Variants in RAPGEF2 observed in about 807,000 individuals in gnomAD.
The protein encoded by RAPGEF2 is Rap guanine nucleotide exchange factor 2, also known as PDZ domain containing guanine nucleotide exchange factor (GEF) 1.
Under a neutral mutation model 186.7 loss-of-function variants are expected in RAPGEF2, and 54 were observed. That is an observed-to-expected ratio of 0.29 (90% CI 0.23 to 0.36). The LOEUF (loss-of-function observed/expected upper bound fraction) is 0.36, where lower values mean the gene tolerates loss of function less well. Ranked by LOEUF, RAPGEF2 falls within the 10% of genes least tolerant of loss-of-function variation. The pLI is 1.00. For missense variants in RAPGEF2, 1,532 were observed against 2,045.0 expected, an observed-to-expected ratio of 0.75 and a Z score of 4.84; for synonymous variants, 712 against 705.9, an observed-to-expected ratio of 1.01 and a Z score of -0.14.
intron 1 of RAPGEF2, among the ~76,000 whole-genome samples, chr4:159,142,693 T>C (rs1406800070): frequency 6.6e-6 from 1 of 152,156 alleles, no homozygotes; most frequent in East Asian, 1.9e-4. Flanking sequence ...TTCTTTTCAG[T>C]TTAAATTATA....
At position 159,353,567 on chromosome 4, in the gene RAPGEF2, C is replaced by T. The variant is rs764552428; in HGVS notation, c.4172C>T (p.Ser1391Phe). 2 of 1,571,652 alleles carry T rather than the reference C, an allele frequency of 1.3e-6. No homozygotes were observed. The highest frequency in any genetic ancestry group is 2.4e-5 in the South Asian group (2 of 82,378). The change falls in exon 28 of 30, where the codon TCC becomes TTC. Residue 1391 changes from serine (S) to phenylalanine (F), a missense_variant. This residue lies in a region of RAPGEF2 where 594 missense variants were observed against 608.5 expected (regional missense o/e 0.98). Coordinates refer to ENST00000691494, the MANE Select transcript of RAPGEF2 (RefSeq NM_001394067.2). The surrounding 1 kb of genome is among the most constrained non-coding windows in gnomAD (Gnocchi z 4.3). Reference sequence around the variant, plus strand: ...TCTTCTCCAAGCACAGAGGAACTTTCCCAGGATCAGGGGGATCGCGCGTCA... The same window carrying T: ...TCTTCTCCAAGCACAGAGGAACTTTTCCAGGATCAGGGGGATCGCGCGTCA... ...VISSPSTEEL[S>F]QDQGDRASLD... is the part of the protein sequence containing the mutation.
chr4:159,321,625 A>G lies in RAPGEF2; in HGVS notation c.854-722A>G, dbSNP rs193135372. On this transcript the variant is annotated intron_variant, in intron 9 of 29. Transcript: ENST00000691494. ...GGAGTAAGGAAAGAACTTAGTGTGTAATTAGTAAAGCTACTGAATGATAAG... is the reference window on the plus strand; with the variant it reads ...GGAGTAAGGAAAGAACTTAGTGTGTGATTAGTAAAGCTACTGAATGATAAG... Among the ~76,000 whole-genome samples, 36 of 152,332 alleles carry G rather than the reference A, an allele frequency of 2.4e-4. No homozygotes were observed. In the East Asian group the frequency reaches 6.4e-3, roughly 27 times the overall value.
intron 1 of RAPGEF2, chr4:159,128,919 GGGGTGTGTGTGT>G (rs766611757): frequency 3.5e-5 from 2 of 57,250 alleles, no homozygotes; most frequent in South Asian, 5.0e-4. Context: ...ATACATATGG[GGGGTGTGTGTGT>G]GTGTGTGTGT....
chr4:159,248,649 ACT>A (rs764455254), intron 7 of RAPGEF2, among the ~76,000 whole-genome samples: 60 of 152,182 alleles, frequency 3.9e-4, no homozygotes, highest in Non-Finnish European at 6.5e-4. Flanking sequence ...AGGGGGACTA[ACT>A]CTCTTTCTTG....
chr4:159,307,478 T>C (rs1763442934), intron 8 of RAPGEF2, among the ~76,000 whole-genome samples: 1 of 152,200 alleles, frequency 6.6e-6, no homozygotes, highest in South Asian at 2.1e-4. Context: ...CAATGAACAG[T>C]ATACATAAAA....
At position 159,201,544 on chromosome 4, in the gene RAPGEF2, G is replaced by T. The variant is rs76259501; in HGVS notation, c.197+8288G>T. 2.4e-4 allele frequency among the ~76,000 whole-genome samples: 36 copies of T among 152,320 alleles called. 1 individual carries two copies. In the East Asian group the frequency reaches 6.7e-3, roughly 29 times the overall value. On this transcript the variant is annotated intron_variant, in intron 3 of 29. Coordinates refer to ENST00000691494, the MANE Select transcript of RAPGEF2 (RefSeq NM_001394067.2). ...TTGTAAATAAGTAATTTTCACTGTG[G>T]TTTTTTGGCATAATCGTATATTTGA...
chr4:159,176,399 C>A (rs1410425538), intron 1 of RAPGEF2, among the ~76,000 whole-genome samples: 1 of 152,128 alleles, frequency 6.6e-6, no homozygotes, highest in African/African-American at 2.4e-5. Context: ...CCTGCATGAA[C>A]TTTAATGTAG....
At chr4:159,104,534 C>CAGACAG (rs1737624298) in intron 1 of RAPGEF2, among the ~76,000 whole-genome samples, 1 of 62,428 alleles carries the variant, frequency 1.6e-5, no homozygotes, top group African/African-American at 5.6e-5. Flanking sequence ...GAGGGAGAGA[C>CAGACAG]AGAGAGAGAG....
chr4:159,350,712 A>G (rs1297504953), intron 26 of RAPGEF2, among the ~76,000 whole-genome samples: 1 of 152,046 alleles, frequency 6.6e-6, no homozygotes, highest in Non-Finnish European at 1.5e-5. Flanking sequence ...TTTGGTTGCT[A>G]CCTTGTTTTA....
At chr4:159,250,298 G>A (rs1755155127) in intron 7 of RAPGEF2, among the ~76,000 whole-genome samples, 1 of 152,054 alleles carries the variant, frequency 6.6e-6, no homozygotes, top group South Asian at 2.1e-4. Context: ...AATACCACCT[G>A]TACCCCAATA....
At chr4:159,131,500 C>G (rs1579266035) in intron 1 of RAPGEF2, among the ~76,000 whole-genome samples, 1 of 65,714 alleles carries the variant, frequency 1.5e-5, no homozygotes, top group Non-Finnish European at 3.0e-5. Context: ...ATCTTGATAT[C>G]TTTGTCTGAT....
intron 8 of RAPGEF2, among the ~76,000 whole-genome samples, chr4:159,311,803 T>C (rs575110553): frequency 1.3e-5 from 2 of 152,204 alleles, no homozygotes; most frequent in Non-Finnish European, 2.9e-5. Context: ...AGTGGTATTA[T>C]GAAATTAGTA....
At chr4:159,109,984 G>A (rs1385682703) in intron 1 of RAPGEF2, among the ~76,000 whole-genome samples, 14 of 152,198 alleles carry the variant, frequency 9.2e-5, no homozygotes, top group Non-Finnish European at 1.5e-5. Flanking sequence ...TGAGATGGCT[G>A]GGAAGCTGAA....
At chr4:159,213,995 T>C (rs191500393) in intron 4 of RAPGEF2, among the ~76,000 whole-genome samples, 2 of 152,350 alleles carry the variant, frequency 1.3e-5, no homozygotes, top group African/African-American at 4.8e-5. Context: ...TGAACTCTTA[T>C]TTGATTTACA....
chr4:159,288,987 G>A (rs1760850542), intron 7 of RAPGEF2, among the ~76,000 whole-genome samples: 1 of 152,008 alleles, frequency 6.6e-6, no homozygotes, highest in African/African-American at 2.4e-5. Flanking sequence ...TCCATTCCCA[G>A]CCATCACCAT....
chr4:159,270,551 A>C (rs1757998958), intron 7 of RAPGEF2, among the ~76,000 whole-genome samples: 1 of 151,700 alleles, frequency 6.6e-6, no homozygotes. Flanking sequence ...GGGTGGGGGC[A>C]TTTTTTTTAG....
chr4:159,174,006 A>G (rs893944902), intron 1 of RAPGEF2, among the ~76,000 whole-genome samples: 2 of 152,212 alleles, frequency 1.3e-5, no homozygotes, highest in African/African-American at 2.4e-5. Flanking sequence ...GGTGTAATAC[A>G]TTGTTCTGAA....
At chr4:159,198,335 T>TTTCTCTTTCTTTCTTTC (rs1491282307) in intron 3 of RAPGEF2, among the ~76,000 whole-genome samples, 2 of 43,572 alleles carry the variant, frequency 4.6e-5, no homozygotes, top group African/African-American at 1.8e-4. Context: ...TCTTTCTTTC[T>TTTCTCTTTCTTTCTTTC]TTTTCTTTCT....
chr4:159,205,583 G>A (rs1424004391), intron 3 of RAPGEF2, among the ~76,000 whole-genome samples: 2 of 152,190 alleles, frequency 1.3e-5, no homozygotes, highest in Non-Finnish European at 2.9e-5. Flanking sequence ...AGTGGGAGGT[G>A]ATTGGATCAT....
Sources: gnomAD v4.1 joint callset for allele counts (sites outside exome capture counted in the v4.1 genomes callset) on GRCh38, gnomAD v4.1.1 for gene constraint, gnomAD v4.1.1 regional missense constraint, Gnocchi (gnomAD v3.1) non-coding constraint, MANE v1.5 for transcripts, NCBI Gene and HGNC (gene_info 2026-07-23, HGNC 2026-07-21) for gene names.